Variants in CCDC190 observed in about 807,000 individuals in gnomAD.
CCDC190 encodes the protein coiled-coil domain containing 190, also known as coiled-coil domain-containing protein 190.
In CCDC190, 10 loss-of-function variants were observed where a neutral mutation model predicts 13.1. The ratio of observed to expected loss-of-function variants is 0.77; its 90% CI spans 0.47 to 1.30. The LOEUF (loss-of-function observed/expected upper bound fraction) is 1.30, where lower values mean the gene tolerates loss of function less well. Ranked by LOEUF, CCDC190 falls within the 50% of genes most tolerant of loss-of-function variation. CCDC190 has a pLI of 0.00. For synonymous variants in CCDC190, 136 were observed against 127.2 expected (o/e 1.07, Z -0.47); for missense variants, 375 against 354.3 (o/e 1.06, Z -0.47).
intron 1 of CCDC190, among the ~76,000 whole-genome samples, chr1:162,868,101 T>C (rs1169092197): frequency 6.6e-6 from 1 of 152,138 alleles, no homozygotes; most frequent in African/African-American, 2.4e-5. Context: ...CTTAATATCA[T>C]AGTAAAAGAA....
At position 162,854,618 on chromosome 1, in the gene CCDC190, A is replaced by G; in HGVS notation, c.*147T>C. On this transcript the variant is annotated 3_prime_UTR_variant, in exon 4 of 4. Transcript: ENST00000367912. ...GCATTGTTCATTCAAGAAATATTAT[A>G]TTCCCGGAAAATAATAGGGAGTTTA... 1.4e-6 allele frequency: 2 copies of G among 1,399,512 alleles called. No homozygotes were observed. Among genetic ancestry groups the G allele is most frequent in the Non-Finnish European group, 1.9e-6 (2 of 1,077,614 alleles). The allele number at this position is 1,399,512 out of a possible 1,614,324, so 86.7% of individuals were successfully genotyped here.
At chr1:162,856,147 C>A (rs149231415) in intron 2 of CCDC190, among the ~76,000 whole-genome samples, 2 of 151,932 alleles carry the variant, frequency 1.3e-5, no homozygotes, top group African/African-American at 4.8e-5. Context: ...TTAAGGCACC[C>A]GGTTTATAGT....
chr1:162,868,062 T>C (rs1219021165), intron 1 of CCDC190, among the ~76,000 whole-genome samples: 1 of 152,204 alleles, frequency 6.6e-6, no homozygotes, highest in Non-Finnish European at 1.5e-5. Flanking sequence ...ATATAAATTT[T>C]ATCTCAGTAA....
chr1:162,855,117 G>A lies in CCDC190; in HGVS notation c.554C>T (p.Thr185Ile), dbSNP rs1650250546. 1.2e-6 allele frequency: 2 copies of A among 1,613,920 alleles called. No individual in the cohort carries two copies. The highest frequency in any genetic ancestry group is 1.7e-6 in the Non-Finnish European group (2 of 1,179,846). ...SVPCQNQEVSTNTIEQGPSSS... is the reference protein window; with the variant it reads ...SVPCQNQEVSINTIEQGPSSS... ...ACTAGGACCTTGTTCTATGGTGTTG[G>A]TGGAAACCTCTTGATTTTGGCATGG... The change falls in exon 4 of 4, where the codon ACC (threonine) becomes ATC (isoleucine). Residue 185 changes from threonine to isoleucine, a missense_variant. Physicochemically the swap from Thr to Ile is moderately conservative, Grantham distance 89. Coordinates refer to ENST00000367912, the MANE Select transcript of CCDC190 (RefSeq NM_001394065.1).
In CCDC190 at chr1:162,854,452, C is replaced by A; in HGVS notation, c.*313G>T. 9.2e-7 allele frequency: 1 copy of A among 1,088,238 alleles called. No individual in the cohort carries two copies. 67.4% of individuals were successfully genotyped at this position (1,088,238 alleles called of 1,614,324 possible). On this transcript the variant is annotated 3_prime_UTR_variant, in exon 4 of 4. Coordinates refer to ENST00000367912, the MANE Select transcript of CCDC190 (RefSeq NM_001394065.1). The stretch of plus-strand genomic sequence containing the variant: ...CACCATGAGAATCTCCTAGAGGAAA[C>A]AGGAAGTCCCTGAAAGCAAGACTGT...
At chr1:162,867,075 A>G (rs944720224) in intron 1 of CCDC190, among the ~76,000 whole-genome samples, 4 of 152,148 alleles carry the variant, frequency 2.6e-5, no homozygotes, top group African/African-American at 4.8e-5. Context: ...AGACCAAACT[A>G]TAAAAGAAAA....
intron 1 of CCDC190, among the ~76,000 whole-genome samples, chr1:162,866,330 T>G (rs973112181): frequency 6.6e-5 from 10 of 151,894 alleles, no homozygotes; most frequent in Admixed American, 5.9e-4. Flanking sequence ...GTGTGGTGGG[T>G]GAGGCAGAAG....
rs752668355 is a variant in CCDC190, at chr1:162,855,728, TAAG to T, written c.212_214del (p.Ser71del). The T allele has an allele frequency of 1.2e-5, 20 of 1,610,246 alleles. No homozygotes were observed. Among genetic ancestry groups the T allele is most frequent in the Non-Finnish European group, 1.5e-5 (18 of 1,177,760 alleles). Reference sequence around the variant, plus strand: ...TCTCTTCTGAAATCCATTCCCCAAATAAGAGGAGAACTTTTTCTTCATGGTTTC... The same window carrying T: ...TCTCTTCTGAAATCCATTCCCCAAATAGGAGAACTTTTTCTTCATGGTTTC... On this transcript the variant is annotated inframe_deletion, in exon 3 of 4. Transcript: ENST00000367912.
At chr1:162,855,933 C>T (rs1650287478) in intron 2 of CCDC190, 178 bp from the exon 3 acceptor site, 1 of 516,470 alleles carries the variant, frequency 1.9e-6, no homozygotes, top group Non-Finnish European at 3.4e-6. Context: ...TTACCGGTGT[C>T]CTTATAAGGA....
At chr1:162,865,750 A>G (rs12136599), upstream of CCDC190, among the ~76,000 whole-genome samples, 21,260 of 152,186 alleles carry the variant, frequency 0.14, 1,568 homozygotes, top group Middle Eastern at 0.2. Context: ...ATAGAAGGAA[A>G]TATCTTCAAC....
In CCDC190 at chr1:162,854,957, G is replaced by A. The variant is rs201358928; in HGVS notation, c.714C>T (p.Gly238=). ...CTAAGAAGGTTGGCTTTGTGAACTC[G>A]CCTTCGAAGCTTCCTGCACATTCCA... ...KHMECAGSFE[G]EFTKPTFLEL... The change falls in exon 4 of 4, where the codon GGC becomes GGT. Residue 238 remains glycine (G), a synonymous_variant. Coordinates refer to ENST00000367912, the MANE Select transcript of CCDC190 (RefSeq NM_001394065.1). 5.0e-6 allele frequency: 8 copies of A among 1,613,844 alleles called. No homozygotes were observed. Among genetic ancestry groups the A allele is most frequent in the East Asian group, 2.2e-5 (1 of 44,888 alleles).
At position 162,855,355 on chromosome 1, in the gene CCDC190, A is replaced by G. The variant is rs749944437; in HGVS notation, c.316T>C (p.Leu106=). The G allele has an allele frequency of 1.9e-6, 3 of 1,596,546 alleles. No homozygotes were observed. The highest frequency in any genetic ancestry group is 3.5e-5 in the Admixed American group (2 of 56,444). The change falls in exon 4 of 4, where the codon TTG becomes CTG. Residue 106 remains leucine, a synonymous_variant. Transcript: ENST00000367912. ...RAPQAKKMRA[L]ATRMAQDTCK... ...GTGTCTTGGGCCATACGGGTTGCCAATGCTCTGAGAAAGGACATAAAAGAA... is the reference window on the plus strand; with the variant it reads ...GTGTCTTGGGCCATACGGGTTGCCAGTGCTCTGAGAAAGGACATAAAAGAA...
intron 2 of CCDC190, among the ~76,000 whole-genome samples, chr1:162,856,561 A>G (rs530300033): frequency 1.6e-3 from 249 of 152,344 alleles, no homozygotes; most frequent in African/African-American, 5.6e-3. Context: ...TTGATGTTTT[A>G]GCATCTTGCA....
chr1:162,852,185 T>C lies in CCDC190; in HGVS notation c.*2580A>G, dbSNP rs1447744451. The C allele has an allele frequency of 6.6e-6, 1 of 152,232 alleles. No homozygotes were observed. The highest frequency in any genetic ancestry group is 1.5e-5 in the Non-Finnish European group (1 of 68,040). The allele number at this position is 152,232 out of a possible 1,614,324, so 9.4% of individuals were successfully genotyped here. On this transcript the variant is annotated 3_prime_UTR_variant, in exon 4 of 4. Transcript: ENST00000367912. ...GGGCTGCCCCATGTATTATAGAATT[T>C]ATGGTCCCTACCTACTAGACTCCAG... is the stretch of plus-strand genomic sequence containing the variant.
chr1:162,855,386 T>C, intron 3 of CCDC190, 27 bp from the exon 4 acceptor site: 1 of 1,563,228 alleles, frequency 6.4e-7, no homozygotes, highest in Non-Finnish European at 8.6e-7. Context: ...AAGAAAGATC[T>C]CTGAAAACCA....
intron 3 of CCDC190, 25 bp downstream of exon 3, chr1:162,855,607 A>G: frequency 1.2e-6 from 2 of 1,610,992 alleles, no homozygotes; most frequent in Non-Finnish European, 8.5e-7. Flanking sequence ...TGTCATACCC[A>G]TGGGTTTAGT....
upstream of CCDC190, among the ~76,000 whole-genome samples, chr1:162,863,855 C>G (rs1210265578): frequency 6.6e-6 from 1 of 151,774 alleles, no homozygotes; most frequent in Non-Finnish European, 1.5e-5. Flanking sequence ...CCCTTCTCTA[C>G]TAAAAATACA....
rs1571037083 is a variant in CCDC190 at position 162,853,657 on chromosome 1, G to A, written c.*1108C>T. Among the ~76,000 whole-genome samples the A allele has an allele frequency of 6.6e-6, 1 of 152,088 alleles. No homozygotes were observed. Among genetic ancestry groups the A allele is most frequent in the Non-Finnish European group, 1.5e-5 (1 of 68,020 alleles). ...ATCTTGTTTCATCAAAATATCCCAG[G>A]CTGGGTTACATCAACTATTGATGCC... On this transcript the variant is annotated 3_prime_UTR_variant, in exon 4 of 4. Coordinates refer to ENST00000367912, the MANE Select transcript of CCDC190 (RefSeq NM_001394065.1).
chr1:162,853,684 G>A lies in CCDC190; in HGVS notation c.*1081C>T, dbSNP rs191003197. Among the ~76,000 whole-genome samples the A allele has an allele frequency of 1.6e-3, 240 of 152,268 alleles. No individual in the cohort carries two copies. Among genetic ancestry groups the A allele is most frequent in the Middle Eastern group, 3.4e-3 (1 of 294 alleles). On this transcript the variant is annotated 3_prime_UTR_variant, in exon 4 of 4. Transcript: ENST00000367912. The stretch of plus-strand genomic sequence containing the variant: ...TGGGTTACATCAACTATTGATGCCA[G>A]AGATGAAATAGGCCCTCAAGTTTAT...
Sources: allele counts gnomAD v4.1 joint callset (sites outside exome capture counted in the v4.1 genomes callset), GRCh38; gene constraint gnomAD v4.1.1; transcripts MANE v1.5; gene names NCBI Gene and HGNC (gene_info 2026-07-23, HGNC 2026-07-21).